The following COA1 variants were observed in gnomAD, a reference collection of about 807,000 sequenced individuals.
COA1 encodes cytochrome c oxidase assembly factor 1 homolog.
In COA1, 13 loss-of-function variants were observed where a neutral mutation model predicts 16.0. The observed-to-expected ratio is 0.81, with a 90% CI of 0.53 to 1.29. The LOEUF is 1.29. COA1 is among the 50% of genes most tolerant of loss of function. COA1 has a pLI of 0.00. For synonymous variants in COA1, 65 were observed against 65.7 expected (o/e 0.99, Z 0.05); for missense variants, 179 against 177.0 (o/e 1.01, Z -0.06).
intron 1 of COA1, among the ~76,000 whole-genome samples, chr7:43,725,671 A>G (rs1050043469): frequency 1.3e-5 from 2 of 152,164 alleles, no homozygotes; most frequent in African/African-American, 4.8e-5. Context: ...CAACCTAGCC[A>G]GCATGGTGAA....
At chr7:43,662,620 G>C (rs1432973081) in intron 1 of COA1, among the ~76,000 whole-genome samples, 1 of 152,194 alleles carries the variant, frequency 6.6e-6, no homozygotes, top group East Asian at 1.9e-4. Context: ...AGACATTAAA[G>C]AATTTTTGAA....
chr7:43,708,621 T>G (rs898230880), intron 1 of COA1, among the ~76,000 whole-genome samples: 3 of 152,262 alleles, frequency 2.0e-5, no homozygotes, highest in African/African-American at 4.8e-5. Flanking sequence ...GCACCTTTTC[T>G]TATTTTTACT....
chr7:43,692,238 G>A (rs1363627603), intron 1 of COA1, among the ~76,000 whole-genome samples: 2 of 152,112 alleles, frequency 1.3e-5, no homozygotes, highest in African/African-American at 4.8e-5. Context: ...ACTTTCCTGG[G>A]CCAGGCGCAG....
intron 1 of COA1, among the ~76,000 whole-genome samples, chr7:43,675,499 TA>T (rs5883872): frequency 0.56 from 84,633 of 151,092 alleles, 25,482 homozygotes; most frequent in African/African-American, 0.8. Flanking sequence ...TACCTAATGC[TA>T]AATGACGAGT....
At chr7:43,619,863 T>G (rs1211645331) in intron 6 of COA1, 3 of 1,174,268 alleles carry the variant, frequency 2.6e-6, no homozygotes, top group Non-Finnish European at 3.6e-6. Context: ...TCCTTTGGAT[T>G]ACATTTTACA....
chr7:43,638,224 A>ATTT (rs34750204), downstream of COA1, among the ~76,000 whole-genome samples: 1 of 138,700 alleles, frequency 7.2e-6, no homozygotes, highest in East Asian at 2.4e-4. Flanking sequence ...GTTTAAGCTC[A>ATTT]TTTTTTTTTT....
At chr7:43,677,509 T>G (rs1405515048) in intron 1 of COA1, among the ~76,000 whole-genome samples, 1 of 152,194 alleles carries the variant, frequency 6.6e-6, no homozygotes, top group African/African-American at 2.4e-5. Flanking sequence ...ATTGTATCTT[T>G]GTTCTGTAGC....
chr7:43,691,425 G>GGAAGAA (rs2094350011), intron 1 of COA1, among the ~76,000 whole-genome samples: 8 of 32,432 alleles, frequency 2.5e-4, no homozygotes, highest in South Asian at 3.2e-3. Context: ...GAAAGAAAAA[G>GGAAGAA]AAAGAAAGAA....
chr7:43,637,363 T>G (rs902604693), downstream of COA1, among the ~76,000 whole-genome samples: 1 of 152,186 alleles, frequency 6.6e-6, no homozygotes, highest in Non-Finnish European at 1.5e-5. Context: ...ATTTGCTGGC[T>G]GTGATCCCTC....
At chr7:43,617,042 T>C (rs1241780779) in intron 6 of COA1, among the ~76,000 whole-genome samples, 1 of 152,186 alleles carries the variant, frequency 6.6e-6, no homozygotes. Context: ...AAAAAAGCGT[T>C]CTAGACTGAG....
chr7:43,624,634 G>T, intron 6 of COA1: 1 of 1,614,030 alleles, frequency 6.2e-7, no homozygotes, highest in Non-Finnish European at 8.5e-7. Context: ...CTCCAAGAAG[G>T]TCATTCTGTG....
intron 1 of COA1, among the ~76,000 whole-genome samples, chr7:43,700,953 C>G (rs1416080970): frequency 6.6e-6 from 1 of 152,156 alleles, no homozygotes; most frequent in Non-Finnish European, 1.5e-5. Flanking sequence ...TCCTGCCTAT[C>G]TCACCTGCTT....
chr7:43,610,908 G>A (rs895479889), intron 6 of COA1, among the ~76,000 whole-genome samples: 2 of 152,128 alleles, frequency 1.3e-5, no homozygotes, highest in Admixed American at 6.5e-5. Context: ...CTTGAGGTCA[G>A]GAGTTTGAGA....
chr7:43,656,677 AGAGC>A (rs1446419963), intron 1 of COA1, among the ~76,000 whole-genome samples: 2 of 152,262 alleles, frequency 1.3e-5, no homozygotes, highest in Non-Finnish European at 2.9e-5. Context: ...GCATGGCTAC[AGAGC>A]GAGATTCCAT....
At chr7:43,619,368 T>A (rs1245110579) in intron 6 of COA1, among the ~76,000 whole-genome samples, 1 of 152,192 alleles carries the variant, frequency 6.6e-6, no homozygotes, top group Non-Finnish European at 1.5e-5. Context: ...AACATATTTA[T>A]ATGCTGAGGA....
chr7:43,720,279 A>G (rs1018956453), intron 1 of COA1, among the ~76,000 whole-genome samples: 6 of 152,156 alleles, frequency 3.9e-5, no homozygotes, highest in Non-Finnish European at 7.4e-5. Flanking sequence ...CTCTGTCAAA[A>G]AAAAAAAGGA....
chr7:43,645,644 C>G, intron 3 of COA1: 1 of 396,144 alleles, frequency 2.5e-6, no homozygotes, highest in Non-Finnish European at 4.7e-6. Flanking sequence ...CATGCAGACC[C>G]TTTCTGCTTC....
At chr7:43,672,788 A>AAG (rs1007689541) in intron 1 of COA1, among the ~76,000 whole-genome samples, 7 of 151,698 alleles carry the variant, frequency 4.6e-5, no homozygotes, top group Admixed American at 1.3e-4. Flanking sequence ...AAAAAAAAAA[A>AAG]AGAGAGAGAG....
chr7:43,680,321 A>T (rs966066967), intron 1 of COA1, among the ~76,000 whole-genome samples: 1 of 151,700 alleles, frequency 6.6e-6, no homozygotes, highest in Admixed American at 6.6e-5. Context: ...GGAGGAGAGC[A>T]TAAGAAATGT....
Sources: allele counts gnomAD v4.1 joint callset (sites outside exome capture counted in the v4.1 genomes callset), GRCh38; gene constraint gnomAD v4.1.1; transcripts MANE v1.5; gene names NCBI Gene and HGNC (gene_info 2026-07-23, HGNC 2026-07-21).